Variants in ARID4B observed in about 807,000 individuals in gnomAD.
ARID4B encodes AT-rich interactive domain-containing protein 4B.
A neutral mutation model predicts 147.5 loss-of-function variants in ARID4B; 26 were observed. The ratio of observed to expected loss-of-function variants is 0.18; its 90% confidence interval spans 0.13 to 0.24. The LOEUF (loss-of-function observed/expected upper bound fraction) is 0.24. ARID4B is among the 10% of genes least tolerant of loss of function. The probability of loss-of-function intolerance (pLI) is 1.00; values close to 1 mark genes in which losing one functional copy is unlikely to be tolerated. For missense variants in ARID4B, 1,179 were observed against 1,511.5 expected (o/e 0.78, Z 3.65); for synonymous variants, 512 against 507.9 (o/e 1.01, Z -0.11).
At chr1:235,240,489 T>C in intron 7 of ARID4B, 38 bp from the exon 8 acceptor site, 1 of 1,582,822 alleles carries the variant, frequency 6.3e-7, no homozygotes. Context: ...CCATTTATCC[T>C]CACAAAGAAT....
chr1:235,234,529 G>A (rs1668442028), intron 8 of ARID4B, 37 bp from the exon 9 acceptor site: 1 of 1,399,298 alleles, frequency 7.1e-7, no homozygotes, highest in South Asian at 1.2e-5. Flanking sequence ...ATAACTAAAA[G>A]AACTCATAGA....
chr1:235,232,561 CA>C (rs34901301), intron 9 of ARID4B, among the ~76,000 whole-genome samples: 67,989 of 143,828 alleles, frequency 0.47, 15,765 homozygotes, highest in South Asian at 0.61. Flanking sequence ...GGCAACATGG[CA>C]AAAAAAAAAA....
At chr1:235,310,194 G>T (rs147929768) in intron 2 of ARID4B, among the ~76,000 whole-genome samples, 2,624 of 151,842 alleles carry the variant, frequency 0.017, 26 homozygotes, top group Middle Eastern at 0.041. Context: ...TAAAAAAAAA[G>T]AAACAGGGAA....
intron 2 of ARID4B, among the ~76,000 whole-genome samples, chr1:235,271,873 CAG>C (rs1671010007): frequency 6.6e-6 from 1 of 151,682 alleles, no homozygotes; most frequent in African/African-American, 2.4e-5. Context: ...CACTTAAACC[CAG>C]GAGGTGGAGG....
chr1:235,294,990 T>C (rs940557658), intron 2 of ARID4B, among the ~76,000 whole-genome samples: 1 of 151,174 alleles, frequency 6.6e-6, no homozygotes, highest in African/African-American at 2.4e-5. Context: ...TCTTAAATAT[T>C]AATATTTATT....
intron 2 of ARID4B, among the ~76,000 whole-genome samples, chr1:235,301,261 A>G (rs79325172): frequency 0.039 from 5,976 of 151,440 alleles, 444 homozygotes; most frequent in African/African-American, 0.14. Flanking sequence ...TTTAGTGCCC[A>G]GTGTGGTGGC....
chr1:235,260,829 T>A, intron 2 of ARID4B, 77 bp from the exon 3 acceptor site: 1 of 950,610 alleles, frequency 1.1e-6, no homozygotes, highest in Non-Finnish European at 1.6e-6. Context: ...ATAGTGAGCC[T>A]AATCTTGTTA....
intron 2 of ARID4B, among the ~76,000 whole-genome samples, chr1:235,308,067 C>CA (rs1445301908): frequency 1.4e-5 from 2 of 145,572 alleles, no homozygotes; most frequent in Non-Finnish European, 3.0e-5. Flanking sequence ...TATGTTTTTT[C>CA]ATATGATTTC....
rs773440488 is a variant in ARID4B at position 235,182,622 on chromosome 1, T to C, written c.2297A>G (p.His766Arg). The stretch of plus-strand genomic sequence containing the variant: ...TGGTTTGGATATTACCAAATCTGCA[T>C]GAACTTTGTTTTCTTCTAGCAAAGA... ...SSSLLEENKV[H>R]ADLVISKPVS... Residue 766 changes from histidine (H) to arginine (R), a missense_variant, in exon 20 of 24, where the codon CAT (histidine) becomes CGT (arginine). Around this residue, in one of 10 missense-constraint regions of ARID4B, gnomAD observed 321 missense variants for 342.4 expected, o/e 0.94. Coordinates refer to ENST00000264183, the MANE Select transcript of ARID4B (RefSeq NM_016374.6). 1.9e-6 allele frequency: 3 copies of C among 1,613,768 alleles called. No homozygotes were observed. The highest frequency in any genetic ancestry group is 2.2e-5 in the East Asian group (1 of 44,874).
chr1:235,210,380 T>C (rs1666636982), intron 17 of ARID4B, among the ~76,000 whole-genome samples: 1 of 152,034 alleles, frequency 6.6e-6, no homozygotes, highest in African/African-American at 2.4e-5. Context: ...TCATTTCCAA[T>C]TTCACATCTG....
intron 6 of ARID4B, among the ~76,000 whole-genome samples, chr1:235,247,826 T>C (rs1203062518): frequency 6.6e-6 from 1 of 151,920 alleles, no homozygotes; most frequent in East Asian, 1.9e-4. Flanking sequence ...CCGTCTCTAC[T>C]AAAAATACAA....
intron 16 of ARID4B, among the ~76,000 whole-genome samples, chr1:235,215,547 A>ATGTGTG (rs370429662): frequency 0.025 from 3,476 of 136,402 alleles, 54 homozygotes; most frequent in South Asian, 0.046. Context: ...ACACATATAT[A>ATGTGTG]TGTGTGTGTG....
chr1:235,294,121 T>C (rs1295780997), intron 2 of ARID4B, among the ~76,000 whole-genome samples: 2 of 151,898 alleles, frequency 1.3e-5, no homozygotes, highest in Non-Finnish European at 2.9e-5. Flanking sequence ...ACGCAATATA[T>C]AAACAAGAAC....
intron 19 of ARID4B, among the ~76,000 whole-genome samples, chr1:235,187,426 A>T (rs1366498790): frequency 7.9e-5 from 12 of 152,210 alleles, no homozygotes; most frequent in African/African-American, 2.9e-4. Flanking sequence ...GAGATTAACA[A>T]GAGATGATTA....
chr1:235,209,385 C>T (rs1666544738), intron 17 of ARID4B, among the ~76,000 whole-genome samples: 1 of 152,042 alleles, frequency 6.6e-6, no homozygotes, highest in South Asian at 2.1e-4. Context: ...ACAGGGGAAT[C>T]TTTTGAACCT....
intron 2 of ARID4B, among the ~76,000 whole-genome samples, chr1:235,325,964 A>C (rs1306877299): frequency 6.6e-6 from 1 of 152,176 alleles, no homozygotes; most frequent in Non-Finnish European, 1.5e-5. Flanking sequence ...GTTCAAAGGA[A>C]CTGTCAAAAG....
intron 17 of ARID4B, among the ~76,000 whole-genome samples, chr1:235,204,728 G>C (rs1413877902): frequency 6.6e-6 from 1 of 152,134 alleles, no homozygotes. Flanking sequence ...TTCCCCAAAA[G>C]TGTACTTTGT....
intron 8 of ARID4B, among the ~76,000 whole-genome samples, chr1:235,235,872 T>C (rs750720883): frequency 2.6e-5 from 4 of 152,128 alleles, no homozygotes; most frequent in Non-Finnish European, 4.4e-5. Context: ...ACAGTCCTAG[T>C]CAGGGTAAAT....
intron 2 of ARID4B, among the ~76,000 whole-genome samples, chr1:235,283,690 A>G (rs1040128309): frequency 6.6e-6 from 1 of 152,180 alleles, no homozygotes; most frequent in African/African-American, 2.4e-5. Context: ...CTTTTAAGAA[A>G]AAGTTAACTT....
Sources: gnomAD v4.1 joint callset for allele counts (sites outside exome capture counted in the v4.1 genomes callset) on GRCh38, gnomAD v4.1.1 for gene constraint, gnomAD v4.1.1 regional missense constraint, MANE v1.5 for transcripts, NCBI Gene and HGNC (gene_info 2026-07-23, HGNC 2026-07-21) for gene names.